Variants in ACP7 observed in about 807,000 individuals in gnomAD.
ACP7 encodes acid phosphatase type 7.
Under a neutral mutation model 60.6 loss-of-function variants are expected in ACP7, and 58 were observed. That is an observed-to-expected ratio of 0.96 (90% CI 0.77 to 1.19). The LOEUF (loss-of-function observed/expected upper bound fraction) is 1.19. Ranked by LOEUF, ACP7 falls within the 50% of genes most tolerant of loss-of-function variation. ACP7 has a pLI of 0.00. For synonymous variants in ACP7, 237 were observed against 232.6 expected, an observed-to-expected ratio of 1.02 and a Z score of -0.17; for missense variants, 574 against 596.2, an observed-to-expected ratio of 0.96 and a Z score of 0.39.
chr19:39,094,805 G>A (rs891481246), intron 2 of ACP7, among the ~76,000 whole-genome samples: 1 of 152,184 alleles, frequency 6.6e-6, no homozygotes, highest in African/African-American at 2.4e-5. Context: ...ACCTGAGACT[G>A]AGAAGAAAAA....
rs962625287 is a variant in ACP7 at position 39,085,077 on chromosome 19, G to C, written c.-178-15G>C. 1.6e-6 allele frequency: 1 copy of C among 608,624 alleles called. No individual in the cohort carries two copies. Among genetic ancestry groups the C allele is most frequent in the Non-Finnish European group, 2.7e-6 (1 of 368,330 alleles). The allele number at this position is 608,624 out of a possible 1,614,324, so 37.7% of individuals were successfully genotyped here. On this transcript the variant is annotated splice_polypyrimidine_tract_variant and intron_variant, in intron 1 of 12. Coordinates refer to ENST00000331256, the MANE Select transcript of ACP7 (RefSeq NM_001004318.3). ...CTGTTCCTTAGCGATTCTTATTTTT[G>C]GTTTCTCTCTCCAGCACCTGGATAA...
In ACP7 at chr19:39,099,145, G is replaced by A; in HGVS notation, c.505+3G>A. The A allele has an allele frequency of 1.3e-6, 2 of 1,519,016 alleles. No homozygotes were observed. The highest frequency in any genetic ancestry group is 2.6e-5 in the South Asian group (2 of 77,948). 94.1% of individuals were successfully genotyped at this position (1,519,016 alleles called of 1,614,324 possible). A position where few individuals can be genotyped will look rare whatever the true frequency, so the allele number is the denominator to read the frequency against. On this transcript the variant is annotated splice_donor_region_variant and intron_variant, in intron 4 of 12. Transcript: ENST00000331256. ...GTATGACGCCGTTCTCCATGTGGGT[G>A]AGGCATCCGCAGGGGCGCGCGCAGG... is the stretch of plus-strand genomic sequence containing the variant.
At position 39,086,048 on chromosome 19, in the gene ACP7, G is replaced by A. The variant is rs80340300; in HGVS notation, c.121+658G>A. On this transcript the variant is annotated intron_variant, in intron 2 of 12. Transcript: ENST00000331256. ...TGTAAAGGGGCAGAACTGAGGCTGA[G>A]TGTGGGGGCTCACACCTGTAGTCTT... 7.4e-3 allele frequency among the ~76,000 whole-genome samples: 1,129 copies of A among 152,304 alleles called. 7 individuals carry two copies. Among genetic ancestry groups the A allele is most frequent in the Admixed American group, 0.012 (179 of 15,274 alleles).
intron 2 of ACP7, among the ~76,000 whole-genome samples, chr19:39,090,617 G>A (rs1224943881): frequency 6.6e-6 from 1 of 151,630 alleles, no homozygotes; most frequent in Non-Finnish European, 1.5e-5. Context: ...TTGAGTAGCT[G>A]GGACTACAGG....
chr19:39,109,500 T>C (rs950280986), intron 12 of ACP7, among the ~76,000 whole-genome samples: 4 of 151,094 alleles, frequency 2.6e-5, no homozygotes, highest in African/African-American at 9.7e-5. Context: ...AGGTCAGGAG[T>C]TCGAGACCAG....
Position 39,110,218 on chromosome 19 carries a change from C to G in ACP7, c.*100C>G. 2.7e-6 allele frequency: 3 copies of G among 1,106,554 alleles called. No homozygotes were observed. The highest frequency in any genetic ancestry group is 4.0e-6 in the Non-Finnish European group (3 of 741,692). 68.5% of individuals were successfully genotyped at this position (1,106,554 alleles called of 1,614,324 possible). A position where few individuals can be genotyped will look rare whatever the true frequency, so the allele number is the denominator to read the frequency against. ...GGGTGGGGAGTTGGGTGGGCCCTGA[C>G]TCCCCTGCCCTCCAGAGGCCCCATG... On this transcript the variant is annotated 3_prime_UTR_variant, in exon 13 of 13. Transcript: ENST00000331256.
rs1299548187 is a variant in ACP7, at chr19:39,100,934, G to A, written c.808-15G>A. The stretch of plus-strand genomic sequence containing the variant: ...CCCTGACTCCTAGCCCCTCACCCTG[G>A]GCCCTTCTCCCTAGAAAGCCAATAA... On this transcript the variant is annotated splice_polypyrimidine_tract_variant and intron_variant, in intron 7 of 12. Transcript: ENST00000331256. 4 of 1,612,146 alleles carry A rather than the reference G, an allele frequency of 2.5e-6. No homozygotes were observed. Among genetic ancestry groups the A allele is most frequent in the Non-Finnish European group, 3.4e-6 (4 of 1,179,732 alleles).
At chr19:39,086,736 C>A (rs779006732) in intron 2 of ACP7, among the ~76,000 whole-genome samples, 7 of 151,870 alleles carry the variant, frequency 4.6e-5, no homozygotes, top group Non-Finnish European at 5.9e-5. Context: ...CTGTTAATCT[C>A]AGGACCATTT....
intron 2 of ACP7, among the ~76,000 whole-genome samples, chr19:39,086,170 G>GA: frequency 6.6e-6 from 1 of 152,068 alleles, no homozygotes; most frequent in South Asian, 2.1e-4. Flanking sequence ...TAGGGAAAAA[G>GA]AAAAAATCTT....
chr19:39,106,992 T>C lies in ACP7; in HGVS notation c.1159T>C (p.Trp387Arg). ...LTPFAVFPRP[W>R]SAVRVKEYGY... Reference sequence around the variant, plus strand: ...GCCCTTTGCTGTCTTCCCGAGGCCCTGGAGTGCCGTGCGTGTGAAGGAGTA... The same window carrying C: ...GCCCTTTGCTGTCTTCCCGAGGCCCCGGAGTGCCGTGCGTGTGAAGGAGTA... The change falls in exon 12 of 13, where the codon TGG (tryptophan) becomes CGG (arginine). Residue 387 changes from tryptophan (W) to arginine (R), a missense_variant. Coordinates refer to ENST00000331256, the MANE Select transcript of ACP7 (RefSeq NM_001004318.3). 1.9e-6 allele frequency: 3 copies of C among 1,614,016 alleles called. No individual in the cohort carries two copies. The highest frequency in any genetic ancestry group is 2.5e-6 in the Non-Finnish European group (3 of 1,179,992).
Position 39,098,602 on chromosome 19 carries a change from G to T in ACP7, c.266G>T (p.Arg89Leu), listed in dbSNP as rs148784132. ...VPFVDGGILR[R>L]KLYIHRVTLR... ...TTTGTGGACGGGGGCATTCTCCGGC[G>T]GAAGCTCTACATACACCGAGTCACG... The change falls in exon 3 of 13, where the codon CGG becomes CTG. Residue 89 changes from arginine to leucine, a missense_variant. By Grantham distance (102) the Arg-to-Leu change is moderately radical. Transcript: ENST00000331256. 3.0e-5 allele frequency: 49 copies of T among 1,613,604 alleles called. No individual in the cohort carries two copies. The African/African-American group carries it at 6.1e-4, about 20-fold the overall frequency.
rs1415117527 is a variant in ACP7, at chr19:39,101,046, A to G, written c.905A>G (p.His302Arg). 4.0e-5 allele frequency: 64 copies of G among 1,613,896 alleles called. No individual in the cohort carries two copies. Among genetic ancestry groups the G allele is most frequent in the Non-Finnish European group, 5.4e-5 (64 of 1,180,016 alleles). Residue 302 changes from histidine to arginine, a missense_variant, in exon 8 of 13, where the codon CAT (histidine) becomes CGT (arginine). Transcript: ENST00000331256. Reference sequence around the variant, plus strand: ...GCAGATCTGGACGACTGCACACGACATGAAAGCAAGGTGAGGTCCCTCCCT... The same window carrying G: ...GCAGATCTGGACGACTGCACACGACGTGAAAGCAAGGTGAGGTCCCTCCCT... ...SNADLDDCTR[H>R]ESKVRKGLQG...
At chr19:39,097,280 G>A (rs1243793051) in intron 2 of ACP7, among the ~76,000 whole-genome samples, 4 of 151,920 alleles carry the variant, frequency 2.6e-5, no homozygotes, top group Non-Finnish European at 5.9e-5. Context: ...TGGGGATTAC[G>A]GGAGTACAAT....
At position 39,085,327 on chromosome 19, in the gene ACP7, G is replaced by A. The variant is rs1404261453; in HGVS notation, c.58G>A (p.Gly20Arg). 1.2e-6 allele frequency: 2 copies of A among 1,613,604 alleles called. No individual in the cohort carries two copies. ...CYCLLLLFSL[G>R]VQGSLGAPSA... ...CTGTCTACTCCTGCTATTCTCCTTG[G>A]GAGTCCAGGGGTCCCTGGGGGCTCC... is the stretch of plus-strand genomic sequence containing the variant. Residue 20 changes from glycine (G) to arginine (R), a missense_variant, in exon 2 of 13, where the codon GGA (glycine) becomes AGA (arginine). Coordinates refer to ENST00000331256, the MANE Select transcript of ACP7 (RefSeq NM_001004318.3).
At chr19:39,108,064 G>A (rs78103575) in intron 12 of ACP7, among the ~76,000 whole-genome samples, 1 of 151,468 alleles carries the variant, frequency 6.6e-6, no homozygotes, top group African/African-American at 2.4e-5. Flanking sequence ...ACAAAAAAAC[G>A]AACAAATGTG....
intron 2 of ACP7, among the ~76,000 whole-genome samples, chr19:39,087,690 A>T (rs1022730928): frequency 6.7e-6 from 1 of 149,690 alleles, no homozygotes; most frequent in East Asian, 2.0e-4. Context: ...CTGTAGTGCA[A>T]TGGCATGATC....
chr19:39,100,885 GGCCA>G, intron 7 of ACP7, 32 bp downstream of exon 7: 1 of 1,609,992 alleles, frequency 6.2e-7, no homozygotes, highest in Non-Finnish European at 8.5e-7. Context: ...ATAGTCCCCT[GGCCA>G]GCCCCACCTC....
Position 39,098,650 on chromosome 19 carries a change from T to G in ACP7, c.314T>G (p.Val105Gly), listed in dbSNP as rs751847383. ...RVTLRKLLPG[V>G]QYVYRCGSAQ... is the part of the protein sequence containing the mutation. Reference sequence around the variant, plus strand: ...ACGCTTCGCAAGCTGCTGCCAGGGGTTCAGTATGGTGAGAGGGGCCCCAGG... The same window carrying G: ...ACGCTTCGCAAGCTGCTGCCAGGGGGTCAGTATGGTGAGAGGGGCCCCAGG... The change falls in exon 3 of 13, where the codon GTT becomes GGT. Residue 105 changes from valine to glycine, a missense_variant. By Grantham distance (109) the Val-to-Gly change is moderately radical (BLOSUM62 -3). Transcript: ENST00000331256. 1.9e-6 allele frequency: 3 copies of G among 1,609,936 alleles called. No individual in the cohort carries two copies. The highest frequency in any genetic ancestry group is 2.5e-6 in the Non-Finnish European group (3 of 1,177,892).
chr19:39,092,229 C>T (rs2073211287), intron 2 of ACP7, among the ~76,000 whole-genome samples: 1 of 152,056 alleles, frequency 6.6e-6, no homozygotes, highest in African/African-American at 2.4e-5. Context: ...AAAAAATTAG[C>T]CATGTGTGTT....
Sources: allele counts gnomAD v4.1 joint callset (sites outside exome capture counted in the v4.1 genomes callset), GRCh38; gene constraint gnomAD v4.1.1; transcripts MANE v1.5; gene names NCBI Gene and HGNC (gene_info 2026-07-23, HGNC 2026-07-21).